The following DYNC2I1 variants were observed in gnomAD, a reference collection of about 807,000 sequenced individuals.
DYNC2I1 encodes cytoplasmic dynein 2 intermediate chain 1.
DYNC2I1 carries 89 observed loss-of-function variants against 133.4 expected under a neutral mutation model. The observed-to-expected ratio is 0.67, with a 90% CI of 0.56 to 0.80. The LOEUF is 0.80. Ranked by LOEUF, DYNC2I1 falls within the 30% of genes least tolerant of loss-of-function variation. DYNC2I1 has a pLI of 0.00. For synonymous variants in DYNC2I1, 504 were observed against 484.3 expected (o/e 1.04, Z -0.54); for missense variants, 1,291 against 1,314.5 (o/e 0.98, Z 0.28).
At chr7:158,952,575 A>T (rs1452825504) in intron 4 of DYNC2I1, among the ~76,000 whole-genome samples, 1 of 148,936 alleles carries the variant, frequency 6.7e-6, no homozygotes, top group Admixed American at 6.7e-5. Context: ...TTAAAAAAAT[A>T]TCCTAAGGGA....
At chr7:158,931,213 C>T (rs563485827) in intron 21 of DYNC2I1, among the ~76,000 whole-genome samples, 40 of 152,264 alleles carry the variant, frequency 2.6e-4, no homozygotes, top group African/African-American at 9.4e-4. Flanking sequence ...AAAGTCTTCA[C>T]AAATGTACAA....
At chr7:158,880,107 T>G (rs971984231) in intron 5 of DYNC2I1, 118 bp downstream of exon 5, 40 of 1,218,516 alleles carry the variant, frequency 3.3e-5, no homozygotes, top group Non-Finnish European at 3.6e-5. Context: ...TAGTAGTAAT[T>G]TAGGAAAAAC....
intron 4 of DYNC2I1, among the ~76,000 whole-genome samples, chr7:158,878,285 TGTG>T (rs1843578789): frequency 7.8e-6 from 1 of 128,726 alleles, no homozygotes; most frequent in African/African-American, 3.0e-5. Flanking sequence ...GAGGGCCGAC[TGTG>T]AGTGCTGGGC....
At chr7:158,881,539 G>C (rs1474776826) in intron 5 of DYNC2I1, among the ~76,000 whole-genome samples, 13 of 151,830 alleles carry the variant, frequency 8.6e-5, no homozygotes, top group Non-Finnish European at 1.6e-4. Flanking sequence ...CTGCAACCTT[G>C]GCCTCCCAGG....
chr7:158,891,191 G>C lies in DYNC2I1; in HGVS notation c.991-74G>C, dbSNP rs777874099. 1.6e-5 allele frequency: 25 copies of C among 1,539,898 alleles called. 1 individual carries two copies. The East Asian group carries it at 5.0e-4, about 30-fold the overall frequency. On this transcript the variant is annotated intron_variant, in intron 7 of 24. Transcript: ENST00000407559. ...TGGCGGGCTCCGCAGTGGTGGGGTG[G>C]GGGGGAGCTGCGTGGCGTGTGCCCT...
In DYNC2I1 at chr7:158,876,609, T is replaced by G; in HGVS notation, c.491T>G (p.Val164Gly). 1 of 1,565,412 alleles carries G rather than the reference T, an allele frequency of 6.4e-7. No homozygotes were observed. The highest frequency in any genetic ancestry group is 8.6e-7 in the Non-Finnish European group (1 of 1,163,516). Residue 164 changes from valine (V) to glycine (G), a missense_variant and splice_region_variant, in exon 4 of 25, where the codon GTA (valine) becomes GGA (glycine). Val to Gly is a moderately radical substitution (Grantham distance 109). Coordinates refer to ENST00000407559, the MANE Select transcript of DYNC2I1 (RefSeq NM_018051.5). Reference sequence around the variant, plus strand: ...TAAAAATATGTTTTACTTCTTGTAGTAAGTAAAGTAAGAAGTGAAGAGAAA... The same window carrying G: ...TAAAAATATGTTTTACTTCTTGTAGGAAGTAAAGTAAGAAGTGAAGAGAAA... The part of the protein sequence containing the change: ...LERAERKGRS[V>G]SKVRSEEKDE...
intron 1 of DYNC2I1, chr7:158,869,423 T>G (rs747458812): frequency 4.2e-6 from 2 of 470,764 alleles, no homozygotes; most frequent in South Asian, 3.1e-5. Flanking sequence ...TGATACCTTC[T>G]GTCCTGGGTT....
rs780656623 is a variant in DYNC2I1, at chr7:158,911,690, G to A, written c.1590+11G>A. On this transcript the variant is annotated intron_variant, in intron 12 of 24. Transcript: ENST00000407559. ...AAAAATACCAAGCAGGTAAGTATGA[G>A]ATGTGTTAACTAAGTGATAAAATGC... is the stretch of plus-strand genomic sequence containing the variant. The A allele has an allele frequency of 2.5e-5, 40 of 1,603,590 alleles. No homozygotes were observed. The Admixed American group carries it at 4.2e-4, about 17-fold the overall frequency.
At chr7:158,879,626 G>T in intron 4 of DYNC2I1, 58 bp from the exon 5 acceptor site, 3 of 1,497,078 alleles carry the variant, frequency 2.0e-6, no homozygotes. Flanking sequence ...GAGAGGGAGG[G>T]CTGGCTGCAC....
chr7:158,920,058 G>A (rs1318283206), intron 15 of DYNC2I1, among the ~76,000 whole-genome samples: 2 of 151,604 alleles, frequency 1.3e-5, no homozygotes, highest in Admixed American at 6.6e-5. Context: ...CGGGGAACAC[G>A]TGAAGTGTGT....
In DYNC2I1 at chr7:158,906,410, T is replaced by TGCCCTTG. The variant is rs1563144643; in HGVS notation, c.1460+319_1460+320insGCCCTTG. On this transcript the variant is annotated intron_variant, in intron 11 of 24. Transcript: ENST00000407559. The stretch of plus-strand genomic sequence containing the variant: ...ATATTTTAAAGTCAAGGGTCTATTA[T>TGCCCTTG]ACTAAGCCCAAATATGACTGAGGAG... Among the ~76,000 whole-genome samples, 3 of 152,308 alleles carry TGCCCTTG rather than the reference T, an allele frequency of 2.0e-5. No homozygotes were observed. In the East Asian group the frequency reaches 5.8e-4, roughly 29 times the overall value.
At chr7:158,947,018 CT>C (rs1161643631), downstream of DYNC2I1, among the ~76,000 whole-genome samples, 4 of 152,238 alleles carry the variant, frequency 2.6e-5, no homozygotes, top group Non-Finnish European at 5.9e-5. Flanking sequence ...AACCGCCAGC[CT>C]TTCTTTGCTT....
intron 7 of DYNC2I1, among the ~76,000 whole-genome samples, chr7:158,890,005 CAAAAAAAAAA>C (rs35423707): frequency 2.9e-5 from 2 of 67,984 alleles, no homozygotes; most frequent in African/African-American, 5.3e-5. Flanking sequence ...GACTCCTTCT[CAAAAAAAAAA>C]AAAAAAAAAA....
At chr7:158,860,820 C>T (rs1180972367) in intron 1 of DYNC2I1, among the ~76,000 whole-genome samples, 2 of 152,070 alleles carry the variant, frequency 1.3e-5, no homozygotes, top group African/African-American at 2.4e-5. Flanking sequence ...GAGATATGTA[C>T]TAGTGATGTG....
Position 158,922,567 on chromosome 7 carries a change from A to T in DYNC2I1, c.2094+18A>T. On this transcript the variant is annotated intron_variant, in intron 16 of 24. Coordinates refer to ENST00000407559, the MANE Select transcript of DYNC2I1 (RefSeq NM_018051.5). ...AGTCCCAGGTACAGCTCAGGATGAGAGTCGCACGTTTGATGGGAGGATGGG... is the reference window on the plus strand; with the variant it reads ...AGTCCCAGGTACAGCTCAGGATGAGTGTCGCACGTTTGATGGGAGGATGGG... The T allele has an allele frequency of 6.2e-7, 1 of 1,610,838 alleles. No homozygotes were observed.
At position 158,946,113 on chromosome 7, in the gene DYNC2I1, G is replaced by C. The variant is rs1160995608; in HGVS notation, c.*334G>C. On this transcript the variant is annotated 3_prime_UTR_variant, in exon 25 of 25. Transcript: ENST00000407559. ...ATTTTAAACAGCCTACCATGAAAAT[G>C]TATCTTAATGAACTATTTTCTTATG... is the stretch of plus-strand genomic sequence containing the variant. The C allele has an allele frequency of 1.1e-5, 2 of 184,396 alleles. No homozygotes were observed. Among genetic ancestry groups the C allele is most frequent in the African/African-American group, 4.7e-5 (2 of 42,746 alleles). 11.4% of individuals were successfully genotyped at this position (184,396 alleles called of 1,614,324 possible). A position where few individuals can be genotyped will look rare whatever the true frequency, so the allele number is the denominator to read the frequency against.
At chr7:158,871,687 T>C in intron 3 of DYNC2I1, 125 bp downstream of exon 3, 1 of 1,149,374 alleles carries the variant, frequency 8.7e-7, no homozygotes, top group South Asian at 1.6e-5. Context: ...TTCCTTTTTT[T>C]TCTGGACAGG....
intron 15 of DYNC2I1, among the ~76,000 whole-genome samples, chr7:158,919,522 G>A (rs1040990937): frequency 3.9e-5 from 6 of 152,172 alleles, no homozygotes; most frequent in African/African-American, 7.2e-5. Flanking sequence ...CCATGGTCCC[G>A]GTTTTTGTGG....
chr7:158,930,390 CTA>C, intron 20 of DYNC2I1, 63 bp from the exon 21 acceptor site: 2 of 1,386,672 alleles, frequency 1.4e-6, no homozygotes, highest in African/African-American at 2.8e-5. Flanking sequence ...TTCCAGGCAA[CTA>C]TAACTAGATT....
Sources: allele counts gnomAD v4.1 joint callset (sites outside exome capture counted in the v4.1 genomes callset), GRCh38; gene constraint gnomAD v4.1.1; transcripts MANE v1.5; gene names NCBI Gene and HGNC (gene_info 2026-07-23, HGNC 2026-07-21).